Variants in DENND1A observed in about 807,000 individuals in gnomAD.
DENND1A encodes the protein DENN domain containing 1A, also known as DENN domain-containing protein 1A.
A neutral mutation model predicts 113.7 loss-of-function variants in DENND1A; 51 were observed. That is an observed-to-expected ratio of 0.45 (90% CI 0.36 to 0.57). The LOEUF is 0.57. Among genes scored for constraint, DENND1A ranks in the 20% least tolerant of loss-of-function variants. The probability of loss-of-function intolerance (pLI) is 0.00; values close to 1 mark genes in which losing one functional copy is unlikely to be tolerated. For missense variants in DENND1A, 1,258 were observed against 1,395.9 expected (o/e 0.90, Z 1.57); for synonymous variants, 565 against 570.8 (o/e 0.99, Z 0.14).
intron 2 of DENND1A, among the ~76,000 whole-genome samples, chr9:123,828,373 G>T (rs1839688412): frequency 6.6e-6 from 1 of 151,902 alleles, no homozygotes; most frequent in African/African-American, 2.4e-5. Context: ...AAAAGAGAAG[G>T]GAGAGTAAGT....
intron 1 of DENND1A, among the ~76,000 whole-genome samples, chr9:123,903,665 G>A (rs149798660): frequency 0.016 from 2,498 of 152,250 alleles, 65 homozygotes; most frequent in African/African-American, 0.056. Flanking sequence ...TTTTCGGACC[G>A]GCTTAAAAAA....
intron 8 of DENND1A, among the ~76,000 whole-genome samples, chr9:123,656,150 T>C (rs540800995): frequency 1.3e-5 from 2 of 152,006 alleles, no homozygotes; most frequent in African/African-American, 4.8e-5. Flanking sequence ...CAAACAGGGG[T>C]TCACTCAGTG....
At chr9:123,385,105 C>T (rs2042489335) in intron 22 of DENND1A, among the ~76,000 whole-genome samples, 2 of 152,234 alleles carry the variant, frequency 1.3e-5, no homozygotes, top group South Asian at 4.1e-4. Context: ...GATGGAGAGG[C>T]AGCGCCTGGG....
intron 1 of DENND1A, among the ~76,000 whole-genome samples, chr9:123,903,526 G>A (rs1293759642): frequency 8.5e-5 from 13 of 152,086 alleles, no homozygotes; most frequent in East Asian, 1.9e-4. Flanking sequence ...CACCGTGCAC[G>A]AGCTGAAGCA....
chr9:123,652,272 C>A, intron 8 of DENND1A, 149 bp from the exon 9 acceptor site: 1 of 633,490 alleles, frequency 1.6e-6, no homozygotes, highest in East Asian at 2.9e-5. Flanking sequence ...AGGCCAAATC[C>A]CCACATGTGT....
chr9:123,641,850 G>C (rs902386745), intron 9 of DENND1A, among the ~76,000 whole-genome samples: 1 of 152,142 alleles, frequency 6.6e-6, no homozygotes, highest in African/African-American at 2.4e-5. Context: ...TTCCATACTA[G>C]ACTTTGTGAA....
chr9:123,521,422 T>C (rs2054386500), intron 13 of DENND1A, among the ~76,000 whole-genome samples: 1 of 152,212 alleles, frequency 6.6e-6, no homozygotes, highest in South Asian at 2.1e-4. Context: ...GGCAAGTCAC[T>C]TACCTTCTTT....
At chr9:123,797,020 C>T (rs1161277909) in intron 2 of DENND1A, among the ~76,000 whole-genome samples, 1 of 152,116 alleles carries the variant, frequency 6.6e-6, no homozygotes, top group African/African-American at 2.4e-5. Flanking sequence ...ATCTACACTG[C>T]TTTCACTTTT....
intron 23 of DENND1A, 122 bp downstream of exon 23, chr9:123,383,533 G>T: frequency 6.9e-7 from 1 of 1,443,738 alleles, no homozygotes; most frequent in East Asian, 2.3e-5. Context: ...CCTGAGCATT[G>T]GCTGAGGGTC....
intron 9 of DENND1A, among the ~76,000 whole-genome samples, chr9:123,651,254 T>C (rs757971256): frequency 6.6e-6 from 1 of 151,972 alleles, no homozygotes; most frequent in Non-Finnish European, 1.5e-5. Flanking sequence ...ATTAACAAAA[T>C]ACAAATAAAA....
intron 5 of DENND1A, among the ~76,000 whole-genome samples, chr9:123,679,160 A>G (rs1194388311): frequency 6.6e-6 from 1 of 152,252 alleles, no homozygotes; most frequent in Non-Finnish European, 1.5e-5. Context: ...TAAACAAGAG[A>G]AAAACTGAAT....
intron 7 of DENND1A, among the ~76,000 whole-genome samples, chr9:123,671,018 A>G (rs1363145355): frequency 6.6e-6 from 1 of 152,176 alleles, no homozygotes; most frequent in Non-Finnish European, 1.5e-5. Context: ...GTCCTATTTC[A>G]GCCCAGCATC....
intron 20 of DENND1A, among the ~76,000 whole-genome samples, chr9:123,404,346 A>C (rs1212104399): frequency 2.0e-5 from 3 of 152,204 alleles, no homozygotes; most frequent in Non-Finnish European, 4.4e-5. Flanking sequence ...ACATGGCTTT[A>C]AATTTGGCAT....
intron 4 of DENND1A, among the ~76,000 whole-genome samples, chr9:123,760,669 T>C (rs1433911535): frequency 5.3e-5 from 8 of 152,206 alleles, no homozygotes; most frequent in Admixed American, 5.2e-4. Context: ...AAAGCTTGGA[T>C]ACTGTGTTAC....
At chr9:123,540,051 G>A (rs767459442) in intron 13 of DENND1A, among the ~76,000 whole-genome samples, 2 of 152,060 alleles carry the variant, frequency 1.3e-5, no homozygotes, top group Non-Finnish European at 2.9e-5. Flanking sequence ...AGCATGATGA[G>A]GATTATTACT....
intron 11 of DENND1A, among the ~76,000 whole-genome samples, chr9:123,604,672 A>G (rs187649602): frequency 6.6e-6 from 1 of 152,318 alleles, no homozygotes; most frequent in East Asian, 1.9e-4. Context: ...GTTTGGAAGT[A>G]CATTTGTCAA....
chr9:123,587,093 G>A (rs2059209640), intron 11 of DENND1A, among the ~76,000 whole-genome samples: 1 of 151,752 alleles, frequency 6.6e-6, no homozygotes, highest in African/African-American at 2.4e-5. Flanking sequence ...GTCCTGCGGT[G>A]CCAACAATGC....
intron 9 of DENND1A, among the ~76,000 whole-genome samples, chr9:123,646,792 A>G (rs2062359043): frequency 6.6e-6 from 1 of 152,094 alleles, no homozygotes; most frequent in South Asian, 2.1e-4. Flanking sequence ...GCCTATGGCA[A>G]TGTCACGATA....
chr9:123,851,483 A>G (rs1286544014), intron 2 of DENND1A, among the ~76,000 whole-genome samples: 3 of 152,216 alleles, frequency 2.0e-5, no homozygotes, highest in Non-Finnish European at 4.4e-5. Flanking sequence ...GATCAAATCC[A>G]GGGTACTCTT....
Sources: allele counts gnomAD v4.1 joint callset (sites outside exome capture counted in the v4.1 genomes callset), GRCh38; gene constraint gnomAD v4.1.1; transcripts MANE v1.5; gene names NCBI Gene and HGNC (gene_info 2026-07-23, HGNC 2026-07-21).